Variants in FKBP1A observed in about 807,000 individuals in gnomAD.
FKBP1A encodes the protein peptidyl-prolyl cis-trans isomerase FKBP1A.
FKBP1A carries 5 observed loss-of-function variants against 14.2 expected under a neutral mutation model. That is an observed-to-expected ratio of 0.35 (90% CI 0.18 to 0.74). The LOEUF (loss-of-function observed/expected upper bound fraction) is 0.74. Among genes scored for constraint, FKBP1A ranks in the 30% least tolerant of loss-of-function variants. The probability of loss-of-function intolerance (pLI) is 0.56; values close to 1 mark genes in which losing one functional copy is unlikely to be tolerated. For synonymous variants in FKBP1A, 42 were observed against 49.1 expected (o/e 0.86, Z 0.60); for missense variants, 53 against 138.8 (o/e 0.38, Z 3.10).
intron 2 of FKBP1A, chr20:1,391,622 A>C (rs2089737877): frequency 2.5e-6 from 1 of 398,392 alleles, no homozygotes; most frequent in African/African-American, 2.1e-5. Context: ...TTTCCAGTGA[A>C]AGTCATTTCC....
At chr20:1,378,830 C>T (rs1235301475) in intron 2 of FKBP1A, 1 of 152,108 alleles carries the variant, frequency 6.6e-6, no homozygotes, top group Non-Finnish European at 1.5e-5. Flanking sequence ...AGTGCTGCCA[C>T]GAAAGGAATA....
chr20:1,388,518 G>C (rs931082601), intron 2 of FKBP1A, among the ~76,000 whole-genome samples: 1 of 152,190 alleles, frequency 6.6e-6, no homozygotes, highest in Non-Finnish European at 1.5e-5. Context: ...GTGGAAGCTG[G>C]GAACTGTGGG....
intron 2 of FKBP1A, among the ~76,000 whole-genome samples, chr20:1,391,312 T>C (rs1188807908): frequency 6.6e-6 from 1 of 152,144 alleles, no homozygotes; most frequent in Non-Finnish European, 1.5e-5. Context: ...GTTACTCTCC[T>C]CATCCTTCCG....
rs2089431742 is a variant in FKBP1A at position 1,369,430 on chromosome 20, A to C, written c.*679T>G. On this transcript the variant is annotated 3_prime_UTR_variant, in exon 5 of 5. Coordinates refer to ENST00000400137, the MANE Select transcript of FKBP1A (RefSeq NM_000801.5). ...AGGCTTCAGAGGTCCCTGCTGGCCC[A>C]GGGACAGATACCTGTAGTGTCCAGC... The C allele has an allele frequency of 1.3e-5, 2 of 152,180 alleles. No individual in the cohort carries two copies. Among genetic ancestry groups the C allele is most frequent in the African/African-American group, 5.4e-5 (2 of 37,140 alleles). The allele number at this position is 152,180 out of a possible 1,614,324, so 9.4% of individuals were successfully genotyped here.
At chr20:1,383,827 ACT>A (rs1174225553) in intron 2 of FKBP1A, among the ~76,000 whole-genome samples, 4 of 147,212 alleles carry the variant, frequency 2.7e-5, no homozygotes, top group African/African-American at 7.7e-5. Context: ...ACAGAACGAG[ACT>A]CTGTCTCTTA....
chr20:1,381,826 C>T (rs140371450), intron 2 of FKBP1A, among the ~76,000 whole-genome samples: 12 of 152,212 alleles, frequency 7.9e-5, no homozygotes, highest in Non-Finnish European at 1.2e-4. Context: ...CATAAGAGAA[C>T]GTACTGTATG....
chr20:1,378,157 C>G (rs989526393), intron 2 of FKBP1A: 2 of 152,164 alleles, frequency 1.3e-5, no homozygotes, highest in African/African-American at 4.8e-5. Flanking sequence ...AGTTCCTGCC[C>G]TCCCTGTTGA....
chr20:1,385,902 G>A (rs1600338171), intron 2 of FKBP1A, among the ~76,000 whole-genome samples: 2 of 152,304 alleles, frequency 1.3e-5, no homozygotes, highest in East Asian at 3.9e-4. Flanking sequence ...CTTTCTCATT[G>A]AGGCCTTTGC....
At chr20:1,392,406 G>C (rs915230615) in intron 2 of FKBP1A, among the ~76,000 whole-genome samples, 2 of 152,222 alleles carry the variant, frequency 1.3e-5, no homozygotes, top group African/African-American at 4.8e-5. Flanking sequence ...AGGGATGGAA[G>C]TGGGGGCAGG....
chr20:1,375,825 C>G (rs1383497271), intron 2 of FKBP1A, among the ~76,000 whole-genome samples: 1 of 152,128 alleles, frequency 6.6e-6, no homozygotes, highest in Non-Finnish European at 1.5e-5. Context: ...AATAACTCGA[C>G]TACAAAAGGA....
chr20:1,384,519 CT>C (rs1238228450), intron 2 of FKBP1A, among the ~76,000 whole-genome samples: 1 of 152,168 alleles, frequency 6.6e-6, no homozygotes, highest in African/African-American at 2.4e-5. Context: ...AGACATAGTC[CT>C]TTAGCAAATG....
At chr20:1,390,245 T>C (rs912570555) in intron 2 of FKBP1A, among the ~76,000 whole-genome samples, 6 of 150,892 alleles carry the variant, frequency 4.0e-5, no homozygotes, top group Admixed American at 2.6e-4. Context: ...GGATCAAGAG[T>C]GTTCACCTTA....
intron 2 of FKBP1A, among the ~76,000 whole-genome samples, chr20:1,392,076 C>G (rs774870035): frequency 1.3e-5 from 2 of 152,190 alleles, no homozygotes; most frequent in African/African-American, 2.4e-5. Flanking sequence ...TATGTATTAG[C>G]CTCCAGATGC....
Position 1,392,309 on chromosome 20 carries a change from T to G in FKBP1A, c.85+525A>C, listed in dbSNP as rs140851783. Among the ~76,000 whole-genome samples the G allele has an allele frequency of 7.0e-3, 1,071 of 152,214 alleles. 15 individuals are homozygous for G. Among genetic ancestry groups the G allele is most frequent in the African/African-American group, 0.024 (989 of 41,534 alleles). On this transcript the variant is annotated intron_variant, in intron 2 of 4. Coordinates refer to ENST00000400137, the MANE Select transcript of FKBP1A (RefSeq NM_000801.5). ...TAGGAAGTGGGATGTTTCCCCACCC[T>G]AGGCAAAGGGGCGAATTCCGAGTTC...
At chr20:1,374,890 G>A (rs936108023) in intron 3 of FKBP1A, among the ~76,000 whole-genome samples, 6 of 152,144 alleles carry the variant, frequency 3.9e-5, no homozygotes, top group Admixed American at 6.5e-5. Flanking sequence ...AGGCTGGAGC[G>A]CAATGGCACA....
chr20:1,373,611 A>T (rs1362745756), intron 3 of FKBP1A, among the ~76,000 whole-genome samples: 1 of 152,186 alleles, frequency 6.6e-6, no homozygotes, highest in Non-Finnish European at 1.5e-5. Context: ...GACTGACCCC[A>T]AAATACCAGT....
At chr20:1,372,410 C>T (rs576824125) in intron 3 of FKBP1A, among the ~76,000 whole-genome samples, 170 bp from the exon 4 acceptor site, 3 of 152,326 alleles carry the variant, frequency 2.0e-5, no homozygotes, top group Admixed American at 1.3e-4. Context: ...TGGAGGTTGG[C>T]AGTCATATTC....
In FKBP1A at chr20:1,392,986, C is replaced by G. The variant is rs764451945; in HGVS notation, c.13G>C (p.Val5Leu). 1.3e-6 allele frequency: 2 copies of G among 1,483,006 alleles called. No homozygotes were observed. The highest frequency in any genetic ancestry group is 2.6e-5 in the South Asian group (2 of 75,974). 91.9% of individuals were successfully genotyped at this position (1,483,006 alleles called of 1,614,324 possible). The change falls in exon 1 of 5, where the codon GTG becomes CTG. Residue 5 changes from valine (V) to leucine (L), a missense_variant. By Grantham distance (32) the Val-to-Leu change is conservative (BLOSUM62 1). Coordinates refer to ENST00000400137, the MANE Select transcript of FKBP1A (RefSeq NM_000801.5). ...CCGTCTCCTGGGGAGATGGTTTCCA[C>G]CTGCACTCCCATGGCGGCGGCGGAC... MGVQVETISPGDGRT... is the reference protein window; with the variant it reads MGVQLETISPGDGRT...
chr20:1,374,305 G>T (rs891718069), intron 3 of FKBP1A, among the ~76,000 whole-genome samples: 5 of 152,172 alleles, frequency 3.3e-5, no homozygotes, highest in Admixed American at 6.5e-5. Flanking sequence ...ATTTTGTAGT[G>T]TTGGCAGAAC....
Sources: allele counts gnomAD v4.1 joint callset (sites outside exome capture counted in the v4.1 genomes callset), GRCh38; gene constraint gnomAD v4.1.1; transcripts MANE v1.5; gene names NCBI Gene and HGNC (gene_info 2026-07-23, HGNC 2026-07-21).